Variants in XKR6 observed in about 807,000 individuals in gnomAD.
XKR6 encodes XK related 6.
A neutral mutation model predicts 56.7 loss-of-function variants in XKR6; 22 were observed. The ratio of observed to expected loss-of-function variants is 0.39; its 90% confidence interval spans 0.28 to 0.55. The LOEUF is 0.55. Ranked by LOEUF, XKR6 falls within the 20% of genes least tolerant of loss-of-function variation. The probability of loss-of-function intolerance (pLI) is 0.66; values close to 1 mark genes in which losing one functional copy is unlikely to be tolerated. For missense variants in XKR6, 852 were observed against 889.0 expected, an observed-to-expected ratio of 0.96 and a Z score of 0.53; for synonymous variants, 524 against 387.8, an observed-to-expected ratio of 1.35 and a Z score of -4.13.
chr8:11,133,306 G>C (rs79710897), intron 1 of XKR6, among the ~76,000 whole-genome samples: 10,021 of 152,202 alleles, frequency 0.066, 488 homozygotes, highest in Middle Eastern at 0.11. Context: ...GCCCTCCTTT[G>C]TGAGAGGCAA....
At chr8:11,184,175 T>C (rs369278626) in intron 1 of XKR6, among the ~76,000 whole-genome samples, 1 of 152,182 alleles carries the variant, frequency 6.6e-6, no homozygotes, top group South Asian at 2.1e-4. Flanking sequence ...TAATTATAAT[T>C]TGCAGTTTAA....
intron 2 of XKR6, among the ~76,000 whole-genome samples, chr8:10,904,036 A>T (rs536073912): frequency 6.6e-5 from 10 of 152,248 alleles, no homozygotes; most frequent in African/African-American, 2.4e-4. Context: ...CCCCAGTGAA[A>T]TTCCTGGACA....
At chr8:10,995,406 T>C (rs1798087269) in intron 1 of XKR6, among the ~76,000 whole-genome samples, 4 of 147,888 alleles carry the variant, frequency 2.7e-5, no homozygotes, top group African/African-American at 9.9e-5. Flanking sequence ...TAGATATATA[T>C]ATCTACTATA....
intron 1 of XKR6, among the ~76,000 whole-genome samples, chr8:11,145,338 T>G (rs1377415040): frequency 6.6e-6 from 1 of 152,132 alleles, no homozygotes; most frequent in Admixed American, 6.5e-5. Flanking sequence ...GAAACGTCTC[T>G]AAGTCTCCCA....
chr8:11,116,150 T>C (rs536855282), intron 1 of XKR6, among the ~76,000 whole-genome samples: 2 of 152,348 alleles, frequency 1.3e-5, no homozygotes, highest in African/African-American at 2.4e-5. Context: ...GAAAACTGTA[T>C]GCTGGTCTTA....
At chr8:10,902,667 G>T (rs1236893488) in intron 2 of XKR6, among the ~76,000 whole-genome samples, 1 of 152,210 alleles carries the variant, frequency 6.6e-6, no homozygotes, top group Non-Finnish European at 1.5e-5. Flanking sequence ...CCATATCCTT[G>T]ACACTGTGAA....
At chr8:11,094,954 G>C (rs991374235) in intron 1 of XKR6, among the ~76,000 whole-genome samples, 4 of 152,240 alleles carry the variant, frequency 2.6e-5, no homozygotes, top group Middle Eastern at 3.4e-3. Context: ...CTGGGTGATG[G>C]GATGCTCTGT....
intron 1 of XKR6, chr8:11,125,621 C>G (rs1799737435): frequency 6.6e-6 from 1 of 152,136 alleles, no homozygotes; most frequent in South Asian, 2.1e-4. Context: ...TAATAAACAG[C>G]CGTGCGAAGG....
At chr8:11,050,377 TAA>T (rs1799515464) in intron 1 of XKR6, among the ~76,000 whole-genome samples, 1 of 55,068 alleles carries the variant, frequency 1.8e-5, no homozygotes, top group Non-Finnish European at 4.2e-5. Flanking sequence ...CTCATCAGTG[TAA>T]AATAAGGGGA....
chr8:10,932,529 C>T (rs1801084631), intron 1 of XKR6, among the ~76,000 whole-genome samples: 7 of 141,586 alleles, frequency 4.9e-5, no homozygotes, highest in Admixed American at 4.2e-4. Context: ...CACCCACTAA[C>T]TCGTCATCTA....
intron 1 of XKR6, among the ~76,000 whole-genome samples, chr8:11,168,844 G>C (rs971120789): frequency 6.6e-6 from 1 of 152,158 alleles, no homozygotes; most frequent in African/African-American, 2.4e-5. Context: ...ACCCAGAAAT[G>C]CCTTTGTTCT....
intron 1 of XKR6, among the ~76,000 whole-genome samples, chr8:11,068,534 G>A (rs1328760411): frequency 6.6e-6 from 1 of 152,068 alleles, no homozygotes; most frequent in Non-Finnish European, 1.5e-5. Flanking sequence ...CTCCGTGCCT[G>A]CACAATGCTT....
rs1368934333 is a variant in XKR6 at position 10,896,658 on chromosome 8, GAA to G, written c.*1292_*1293del. 6.6e-6 allele frequency: 1 copy of G among 152,462 alleles called. No individual in the cohort carries two copies. Among genetic ancestry groups the G allele is most frequent in the Non-Finnish European group, 1.5e-5 (1 of 68,022 alleles). 9.4% of individuals were successfully genotyped at this position (152,462 alleles called of 1,614,324 possible). On this transcript the variant is annotated 3_prime_UTR_variant, in exon 3 of 3. Transcript: ENST00000416569. The stretch of plus-strand genomic sequence containing the variant: ...ATGATTTTCAGCCAACCACAATGGT[GAA>G]AGACAGAAGCACCAAACAGTCTTTG...
At chr8:11,123,712 A>T in intron 1 of XKR6, 1 of 373,926 alleles carries the variant, frequency 2.7e-6, no homozygotes, top group Non-Finnish European at 5.3e-6. Flanking sequence ...CAAGAGGCTG[A>T]ATCTCCTGAA....
chr8:11,108,636 A>C (rs1798770980), intron 1 of XKR6: 1 of 297,940 alleles, frequency 3.4e-6, no homozygotes, highest in African/African-American at 2.2e-5. Flanking sequence ...TTTCATTAGG[A>C]AGCTCTTGCC....
intron 1 of XKR6, among the ~76,000 whole-genome samples, chr8:10,938,280 A>C (rs1801286782): frequency 6.6e-6 from 1 of 152,120 alleles, no homozygotes; most frequent in Non-Finnish European, 1.5e-5. Context: ...GCGCGCACCC[A>C]CTGGCCTGCG....
chr8:11,123,742 T>C (rs1346104848), intron 1 of XKR6: 1 of 420,596 alleles, frequency 2.4e-6, no homozygotes, highest in Non-Finnish European at 4.8e-6. Flanking sequence ...TATGCACCCC[T>C]ACCCCGGGAA....
chr8:10,950,592 C>G (rs1362000462), intron 1 of XKR6, among the ~76,000 whole-genome samples: 1 of 152,234 alleles, frequency 6.6e-6, no homozygotes, highest in Admixed American at 6.5e-5. Context: ...AGGGATGTGT[C>G]CCCACAACAG....
At chr8:11,128,938 T>A (rs1026922345) in intron 1 of XKR6, 53 of 456,774 alleles carry the variant, frequency 1.2e-4, no homozygotes, top group African/African-American at 1.0e-3. Flanking sequence ...GCTTCTTTAA[T>A]AAAGCAGCCA....
Sources: gnomAD v4.1 joint callset for allele counts (sites outside exome capture counted in the v4.1 genomes callset) on GRCh38, gnomAD v4.1.1 for gene constraint, MANE v1.5 for transcripts, NCBI Gene and HGNC (gene_info 2026-07-23, HGNC 2026-07-21) for gene names.